SORCS3: variants seen among roughly 807,000 people sequenced by gnomAD.
SORCS3 encodes VPS10 domain-containing receptor SorCS3.
In SORCS3, 57 loss-of-function variants were observed where a neutral mutation model predicts 146.3. The ratio of observed to expected loss-of-function variants is 0.39; its 90% CI spans 0.31 to 0.49. The LOEUF is 0.49. Ranked by LOEUF, SORCS3 falls within the 20% of genes least tolerant of loss-of-function variation. SORCS3 has a pLI of 0.92. For synonymous variants in SORCS3, 653 were observed against 618.5 expected (o/e 1.06, Z -0.83); for missense variants, 1,341 against 1,575.5 (o/e 0.85, Z 2.52).
chr10:105,251,631 A>G (rs1289061198), intron 22 of SORCS3, among the ~76,000 whole-genome samples: 3 of 152,128 alleles, frequency 2.0e-5, no homozygotes, highest in Non-Finnish European at 4.4e-5. Flanking sequence ...CACAAATTAT[A>G]TATTTGGATT....
intron 14 of SORCS3, among the ~76,000 whole-genome samples, chr10:105,188,251 G>T (rs1256424555): frequency 6.6e-6 from 1 of 151,940 alleles, no homozygotes; most frequent in Non-Finnish European, 1.5e-5. Context: ...GATTTTTTTA[G>T]TTTTCAAATT....
intron 14 of SORCS3, among the ~76,000 whole-genome samples, chr10:105,193,054 T>C (rs2056525459): frequency 6.6e-6 from 1 of 152,210 alleles, no homozygotes; most frequent in Admixed American, 6.5e-5. Flanking sequence ...TCTCTGTGTA[T>C]AGAATTCTAA....
intron 3 of SORCS3, among the ~76,000 whole-genome samples, chr10:104,951,683 T>G (rs796633149): frequency 3.3e-5 from 5 of 152,254 alleles, no homozygotes; most frequent in African/African-American, 1.2e-4. Flanking sequence ...AGTCTGTATG[T>G]CAGAGGTAGA....
chr10:104,943,187 T>C (rs749226772), intron 3 of SORCS3, among the ~76,000 whole-genome samples: 3 of 152,168 alleles, frequency 2.0e-5, no homozygotes, highest in Non-Finnish European at 4.4e-5. Context: ...TGGAGTGCAG[T>C]GGTGCATTCT....
At chr10:105,004,417 A>G (rs2055081146) in intron 4 of SORCS3, among the ~76,000 whole-genome samples, 1 of 152,172 alleles carries the variant, frequency 6.6e-6, no homozygotes, top group African/African-American at 2.4e-5. Flanking sequence ...TGAAGGGGCA[A>G]GGACAGGAAA....
At chr10:105,146,012 T>C (rs1429850817) in intron 8 of SORCS3, among the ~76,000 whole-genome samples, 1 of 152,112 alleles carries the variant, frequency 6.6e-6, no homozygotes, top group South Asian at 2.1e-4. Context: ...TCAAACACAG[T>C]AAAGGCTAGA....
chr10:105,254,809 A>T (rs1015463965), intron 23 of SORCS3, among the ~76,000 whole-genome samples: 6 of 151,912 alleles, frequency 3.9e-5, no homozygotes, highest in Non-Finnish European at 5.9e-5. Context: ...AAAAAAAAAG[A>T]AGTAGTTGGG....
At chr10:104,903,458 A>G (rs1006900297) in intron 2 of SORCS3, among the ~76,000 whole-genome samples, 2 of 152,322 alleles carry the variant, frequency 1.3e-5, no homozygotes, top group Non-Finnish European at 1.5e-5. Flanking sequence ...GAAAGGAAAG[A>G]TAACAGAAGA....
chr10:104,668,182 C>T (rs544914320), intron 1 of SORCS3, among the ~76,000 whole-genome samples: 2 of 152,210 alleles, frequency 1.3e-5, no homozygotes, highest in East Asian at 1.9e-4. Flanking sequence ...TGTGTGTGCA[C>T]GCGCAATAGT....
At chr10:105,090,212 AACCTT>A (rs2055692687) in intron 6 of SORCS3, among the ~76,000 whole-genome samples, 7 of 152,180 alleles carry the variant, frequency 4.6e-5, no homozygotes, top group Admixed American at 4.6e-4. Context: ...TTATATAGGC[AACCTT>A]ACCAAAAAAT....
At chr10:104,655,176 C>T (rs913757378) in intron 1 of SORCS3, among the ~76,000 whole-genome samples, 10 of 150,092 alleles carry the variant, frequency 6.7e-5, no homozygotes, top group African/African-American at 1.7e-4. Context: ...TCACTTGAAC[C>T]GGGGAGGCGG....
intron 7 of SORCS3, 50 bp downstream of exon 7, chr10:105,105,565 G>C: frequency 7.6e-7 from 1 of 1,313,530 alleles, no homozygotes; most frequent in Non-Finnish European, 1.1e-6. Context: ...CGTTGAAGTT[G>C]GCTGCCTGCT....
intron 5 of SORCS3, among the ~76,000 whole-genome samples, chr10:105,048,447 A>G (rs530193222): frequency 4.3e-4 from 64 of 150,044 alleles, no homozygotes; most frequent in African/African-American, 1.4e-3. Flanking sequence ...AAAAAACCAA[A>G]CACCGCATGT....
chr10:105,000,806 C>T (rs896139390), intron 4 of SORCS3, among the ~76,000 whole-genome samples: 2 of 152,232 alleles, frequency 1.3e-5, no homozygotes, highest in East Asian at 1.9e-4. Context: ...ATATTGGGCT[C>T]ATTTCCCATT....
intron 1 of SORCS3, among the ~76,000 whole-genome samples, chr10:104,751,961 ATATATAT>A (rs1564675444): frequency 9.3e-6 from 1 of 107,136 alleles, no homozygotes; most frequent in Non-Finnish European, 1.9e-5. Context: ...ATATATATAT[ATATATAT>A]AATAGTTTAG....
chr10:104,807,519 G>A (rs1237370175), intron 1 of SORCS3, among the ~76,000 whole-genome samples: 1 of 152,136 alleles, frequency 6.6e-6, no homozygotes, highest in Non-Finnish European at 1.5e-5. Context: ...TACTAAACTG[G>A]AGGACATTGG....
chr10:105,228,159 T>G (rs996549727), intron 20 of SORCS3, among the ~76,000 whole-genome samples: 1 of 152,092 alleles, frequency 6.6e-6, no homozygotes, highest in African/African-American at 2.4e-5. Flanking sequence ...TCTGGTTGTT[T>G]TGTATACCTT....
chr10:105,218,069 T>C (rs1374633551), intron 19 of SORCS3, among the ~76,000 whole-genome samples: 4 of 152,162 alleles, frequency 2.6e-5, no homozygotes, highest in Non-Finnish European at 5.9e-5. Context: ...AACTCTATTG[T>C]ATAAACAACC....
At chr10:105,112,887 A>C (rs2055867667) in intron 7 of SORCS3, among the ~76,000 whole-genome samples, 1 of 152,154 alleles carries the variant, frequency 6.6e-6, no homozygotes, top group African/African-American at 2.4e-5. Flanking sequence ...TTAAATTTCG[A>C]ACTTTTAAAA....
Sources: allele counts gnomAD v4.1 joint callset (sites outside exome capture counted in the v4.1 genomes callset), GRCh38; gene constraint gnomAD v4.1.1; transcripts MANE v1.5; gene names NCBI Gene and HGNC (gene_info 2026-07-23, HGNC 2026-07-21).